Variants in RPS13 observed in about 807,000 individuals in gnomAD.
The protein encoded by RPS13 is small ribosomal subunit protein uS15.
A neutral mutation model predicts 24.6 loss-of-function variants in RPS13; 1 was observed. The ratio of observed to expected loss-of-function variants is 0.04; its 90% confidence interval spans 0.01 to 0.19. The LOEUF is 0.19. RPS13 is among the 10% of genes least tolerant of loss of function. The probability of loss-of-function intolerance (pLI) is 1.00; values close to 1 mark genes in which losing one functional copy is unlikely to be tolerated. For missense variants in RPS13, 88 were observed against 187.4 expected (o/e 0.47, Z 3.10); for synonymous variants, 69 against 65.3 (o/e 1.06, Z -0.27).
At chr11:17,076,634 G>C in intron 3 of RPS13, 2 of 373,478 alleles carry the variant, frequency 5.4e-6, no homozygotes, top group Non-Finnish European at 5.1e-6. Context: ...TGCAGCCTGG[G>C]ACTTCTAGGC....
At position 17,077,636 on chromosome 11, in the gene RPS13, A is replaced by C. The variant is rs201083860; in HGVS notation, c.6T>G (p.Gly2=). The C allele has an allele frequency of 2.1e-5, 33 of 1,584,080 alleles. No individual in the cohort carries two copies. Among genetic ancestry groups the C allele is most frequent in the Admixed American group, 1.7e-4 (10 of 58,072 alleles). Residue 2 remains glycine, a synonymous_variant, in exon 1 of 6, where the codon GGT becomes GGG. Transcript: ENST00000525634. M[G]RMHAPGKGLS... is the part of the protein sequence containing the mutation. ...GAGCTCACCCGGGAGCATGCATGCG[A>C]CCCATGATGGCGGCGATCAGGCAAC... is the stretch of plus-strand genomic sequence containing the variant.
Sources: gnomAD v4.1 joint callset for allele counts on GRCh38, gnomAD v4.1.1 for gene constraint, MANE v1.5 for transcripts, NCBI Gene and HGNC (gene_info 2026-07-23, HGNC 2026-07-21) for gene names.